Variants in SLC11A2 observed in about 807,000 individuals in gnomAD.
SLC11A2 encodes natural resistance-associated macrophage protein 2.
Under a neutral mutation model 68.0 loss-of-function variants are expected in SLC11A2, and 38 were observed. That is an observed-to-expected ratio of 0.56 (90% CI 0.43 to 0.73). The LOEUF (loss-of-function observed/expected upper bound fraction) is 0.73, where lower values mean the gene tolerates loss of function less well. Ranked by LOEUF, SLC11A2 falls within the 30% of genes least tolerant of loss-of-function variation. The probability of loss-of-function intolerance (pLI) is 0.00; values close to 1 mark genes in which losing one functional copy is unlikely to be tolerated. For missense variants in SLC11A2, 517 were observed against 690.5 expected (o/e 0.75, Z 2.82); for synonymous variants, 242 against 250.6 (o/e 0.97, Z 0.32).
intron 1 of SLC11A2, among the ~76,000 whole-genome samples, chr12:51,019,517 A>G (rs1943890718): frequency 6.6e-6 from 1 of 151,984 alleles, no homozygotes; most frequent in South Asian, 2.1e-4. Flanking sequence ...TCTGAACCCT[A>G]TGTATTTTAA....
the SLC11A2 span, among the ~76,000 whole-genome samples, chr12:50,953,118 C>T: frequency 9.2e-5 from 14 of 152,270 alleles, no homozygotes; most frequent in African/African-American, 1.4e-4. Context: ...TCCCCTGGGG[C>T]GTGTTTCTGG....
At chr12:50,960,778 G>A in the SLC11A2 span, among the ~76,000 whole-genome samples, 1 of 152,100 alleles carries the variant, frequency 6.6e-6, no homozygotes, top group Middle Eastern at 3.4e-3. Flanking sequence ...GAACTCCTAG[G>A]CTCAAGGGAT....
At chr12:50,965,548 G>C in the SLC11A2 span, among the ~76,000 whole-genome samples, 6 of 152,202 alleles carry the variant, frequency 3.9e-5, no homozygotes, top group African/African-American at 1.4e-4. Flanking sequence ...ACACATTCCA[G>C]AACTGAGGAA....
At chr12:50,983,189 AT>A (rs1310019683), downstream of SLC11A2, among the ~76,000 whole-genome samples, 1 of 152,050 alleles carries the variant, frequency 6.6e-6, no homozygotes, top group Non-Finnish European at 1.5e-5. Context: ...CACTCAGCTA[AT>A]TTTTTTGTAG....
chr12:51,027,461 C>T (rs1454230062), upstream of SLC11A2, among the ~76,000 whole-genome samples: 1 of 151,976 alleles, frequency 6.6e-6, no homozygotes, highest in African/African-American at 2.4e-5. Flanking sequence ...TCAGCTAGTG[C>T]AGCCAGTTTG....
intron 1 of SLC11A2, among the ~76,000 whole-genome samples, chr12:51,020,448 T>C (rs1943964324): frequency 6.6e-6 from 1 of 152,180 alleles, no homozygotes; most frequent in South Asian, 2.1e-4. Context: ...GTGGTAAGTA[T>C]TCATTTTAGA....
upstream of SLC11A2, among the ~76,000 whole-genome samples, chr12:51,027,969 C>A (rs1944457028): frequency 1.3e-5 from 2 of 151,542 alleles, no homozygotes; most frequent in Admixed American, 6.6e-5. Context: ...TACAGAATTT[C>A]TCCTGGAGAA....
chr12:50,955,804 AC>A, the SLC11A2 span, among the ~76,000 whole-genome samples: 1 of 152,232 alleles, frequency 6.6e-6, no homozygotes, highest in Non-Finnish European at 1.5e-5. Context: ...TGCTACTTGA[AC>A]AGATCACTAT....
At chr12:51,026,222 G>A in intron 1 of SLC11A2, 88 bp downstream of exon 1, 4 of 1,219,510 alleles carry the variant, frequency 3.3e-6, no homozygotes, top group Non-Finnish European at 4.2e-6. Context: ...CCCGGAGCCT[G>A]ACCCCCGACA....
intron 15 of SLC11A2, 65 bp downstream of exon 15, chr12:50,990,730 T>C (rs1941065231): frequency 1.3e-6 from 2 of 1,546,690 alleles, no homozygotes; most frequent in East Asian, 4.5e-5. Flanking sequence ...CATTTCTGAA[T>C]GTCAGTGAAC....
chr12:50,960,605 A>T, the SLC11A2 span, among the ~76,000 whole-genome samples: 1 of 152,114 alleles, frequency 6.6e-6, no homozygotes, highest in South Asian at 2.1e-4. Context: ...CTTATCTTTC[A>T]GGTTCTTATC....
At chr12:50,976,035 G>A (rs1040027749), downstream of SLC11A2, among the ~76,000 whole-genome samples, 3 of 152,092 alleles carry the variant, frequency 2.0e-5, no homozygotes, top group African/African-American at 7.2e-5. Flanking sequence ...AGGACCAGAC[G>A]GATTCACAGC....
At chr12:51,022,411 T>TA (rs1252372042) in intron 1 of SLC11A2, among the ~76,000 whole-genome samples, 291 of 75,484 alleles carry the variant, frequency 3.9e-3, no homozygotes, top group African/African-American at 4.5e-3. Context: ...CAGTCTCCAT[T>TA]AAAAAAAAAA....
intron 2 of SLC11A2, chr12:51,009,326 A>C: frequency 8.0e-7 from 1 of 1,242,728 alleles, no homozygotes; most frequent in Non-Finnish European, 1.0e-6. Context: ...TCTCAGACTG[A>C]TATCAGCGTT....
chr12:50,992,588 C>T (rs1013920738), intron 12 of SLC11A2, among the ~76,000 whole-genome samples: 8 of 151,670 alleles, frequency 5.3e-5, no homozygotes, highest in Admixed American at 3.3e-4. Context: ...AAAAATTAGC[C>T]GAGTATGGTG....
At chr12:50,972,696 C>G in the SLC11A2 span, among the ~76,000 whole-genome samples, 13,969 of 152,280 alleles carry the variant, frequency 0.092, 944 homozygotes, top group African/African-American at 0.19. Context: ...GGCGAGGCAT[C>G]GCCTCACCCG....
chr12:51,014,493 A>G (rs1239174427), intron 1 of SLC11A2, among the ~76,000 whole-genome samples: 1 of 152,270 alleles, frequency 6.6e-6, no homozygotes, highest in Non-Finnish European at 1.5e-5. Context: ...TCTAGATTCC[A>G]GTCTCCAGCC....
intron 3 of SLC11A2, chr12:51,008,250 A>AC: frequency 2.8e-6 from 1 of 352,690 alleles, no homozygotes; most frequent in Non-Finnish European, 5.4e-6. Flanking sequence ...AGATAGATAG[A>AC]TAGATAGATA....
At chr12:51,005,040 T>C (rs2136281427) in intron 4 of SLC11A2, 133 bp from the exon 5 acceptor site, 2 of 1,133,690 alleles carry the variant, frequency 1.8e-6, no homozygotes, top group East Asian at 2.6e-5. Context: ...ATCAAATGAC[T>C]TGAGTTCTAT....
Sources: allele counts gnomAD v4.1 joint callset (sites outside exome capture counted in the v4.1 genomes callset), GRCh38; gene constraint gnomAD v4.1.1; transcripts MANE v1.5; gene names NCBI Gene and HGNC (gene_info 2026-07-23, HGNC 2026-07-21).